The following PARVB variants were observed in gnomAD, a reference collection of about 807,000 sequenced individuals.
PARVB encodes the protein parvin beta.
In PARVB, 46 loss-of-function variants were observed where a neutral mutation model predicts 47.0. That is an observed-to-expected ratio of 0.98 (90% CI 0.77 to 1.25). The LOEUF (loss-of-function observed/expected upper bound fraction) is 1.25. Ranked by LOEUF, PARVB falls within the 50% of genes most tolerant of loss-of-function variation. The pLI is 0.00. For synonymous variants in PARVB, 196 were observed against 196.3 expected (o/e 1.00, Z 0.01); for missense variants, 473 against 471.6 (o/e 1.00, Z -0.03).
Position 44,119,065 on chromosome 22 carries a change from C to T in PARVB, c.301C>T (p.Leu101=). 3 of 1,613,972 alleles carry T rather than the reference C, an allele frequency of 1.9e-6. No homozygotes were observed. The highest frequency in any genetic ancestry group is 2.5e-6 in the Non-Finnish European group (3 of 1,179,862). The change falls in exon 4 of 13, where the codon CTG becomes TTG. Residue 101 remains leucine, a synonymous_variant. Coordinates refer to ENST00000338758, the MANE Select transcript of PARVB (RefSeq NM_013327.5). ...KVLLDWINDV[L]VEERIIVKQL... ...CCTCCTCGACTGGATTAATGACGTG[C>T]TGGTGGAGGAGAGGATCATTGTGAA...
At chr22:44,002,586 A>G (rs1331250382) in intron 2 of PARVB, among the ~76,000 whole-genome samples, 2 of 152,176 alleles carry the variant, frequency 1.3e-5, no homozygotes, top group African/African-American at 2.4e-5. Context: ...GAACCTGCCA[A>G]TCCCAGTGGG....
chr22:44,082,192 C>T (rs758871158), intron 1 of PARVB, among the ~76,000 whole-genome samples: 3 of 152,142 alleles, frequency 2.0e-5, no homozygotes, highest in Non-Finnish European at 2.9e-5. Flanking sequence ...GGTAGGTTCC[C>T]GTGCTCCGGA....
At chr22:44,029,996 T>C (rs949298448) in intron 1 of PARVB, among the ~76,000 whole-genome samples, 1 of 152,196 alleles carries the variant, frequency 6.6e-6, no homozygotes, top group East Asian at 1.9e-4. Flanking sequence ...TTGTGGACTT[T>C]AAATAACCTT....
chr22:44,148,209 T>C lies in PARVB; in HGVS notation c.774+287T>C, dbSNP rs1160836031. ...TCTGACTCGAGACCTTTTTTCAATG[T>C]GGAAATGTTTTTAAGCATGTCAGCC... On this transcript the variant is annotated intron_variant, in intron 9 of 12. Transcript: ENST00000338758. 4 of 460,612 alleles carry C rather than the reference T, an allele frequency of 8.7e-6. No individual in the cohort carries two copies. The Admixed American group carries it at 1.4e-4, about 16-fold the overall frequency. The allele number at this position is 460,612 out of a possible 1,614,324, so 28.5% of individuals were successfully genotyped here.
chr22:44,053,990 G>A (rs1041846961), intron 1 of PARVB, among the ~76,000 whole-genome samples: 7 of 152,138 alleles, frequency 4.6e-5, no homozygotes, highest in Non-Finnish European at 7.3e-5. Flanking sequence ...GGATATGCAC[G>A]ATTGACAGCC....
chr22:44,068,454 C>G lies in PARVB; in HGVS notation c.113-25474C>G, dbSNP rs941646705. The stretch of plus-strand genomic sequence containing the variant: ...GGTATCATGCGAGTCCTACTTCTCC[C>G]CTCATTCAAGGACCTTCCTTTGGGG... On this transcript the variant is annotated intron_variant, in intron 1 of 12. Transcript: ENST00000338758. This position sits in a 1 kb window ranked among gnomAD's most constrained non-coding sequence, Gnocchi z 4.1. Among the ~76,000 whole-genome samples, 18 of 152,188 alleles carry G rather than the reference C, an allele frequency of 1.2e-4. No individual in the cohort carries two copies. Among genetic ancestry groups the G allele is most frequent in the Non-Finnish European group, 2.2e-4 (15 of 68,028 alleles).
intron 1 of PARVB, among the ~76,000 whole-genome samples, chr22:44,032,269 C>G (rs2050839264): frequency 6.6e-6 from 1 of 152,196 alleles, no homozygotes; most frequent in Non-Finnish European, 1.5e-5. Context: ...TTGGCCTCGT[C>G]CAGTCTCTAG....
chr22:44,063,467 T>A (rs553408645), intron 1 of PARVB, among the ~76,000 whole-genome samples: 1 of 152,270 alleles, frequency 6.6e-6, no homozygotes, highest in African/African-American at 2.4e-5. Context: ...CCTCAGGTGA[T>A]CCACCTGTCT....
At chr22:44,080,938 G>A (rs565196607) in intron 1 of PARVB, among the ~76,000 whole-genome samples, 8 of 152,266 alleles carry the variant, frequency 5.3e-5, no homozygotes, top group African/African-American at 1.4e-4. Flanking sequence ...ATAGTGCCTC[G>A]AAAGGAGAGG....
At chr22:44,039,098 T>G (rs1032405806) in intron 1 of PARVB, among the ~76,000 whole-genome samples, 2 of 152,172 alleles carry the variant, frequency 1.3e-5, no homozygotes, top group Admixed American at 6.5e-5. Context: ...CTGGAAGATG[T>G]GGTGAGAATA....
intron 1 of PARVB, among the ~76,000 whole-genome samples, chr22:44,046,640 C>T (rs531810013): frequency 2.6e-4 from 40 of 152,356 alleles, no homozygotes; most frequent in African/African-American, 9.4e-4. Flanking sequence ...CATGTTATCT[C>T]CCCACACAGT....
At position 44,058,980 on chromosome 22, in the gene PARVB, T is replaced by TGG. The variant is rs11296449; in HGVS notation, c.112+34537_112+34538dup. Among the ~76,000 whole-genome samples, 3 of 146,904 alleles carry TGG rather than the reference T, an allele frequency of 2.0e-5. No homozygotes were observed. The East Asian group carries it at 6.0e-4, about 30-fold the overall frequency. On this transcript the variant is annotated intron_variant, in intron 1 of 12. Transcript: ENST00000338758. ...ATTACTTTCATAGATGAGGGTGTGA[T>TGG]GGGGGGGGGAAACAGAAGCAGAGTT...
intron 3 of PARVB, chr22:44,106,814 A>T (rs2052579108): frequency 6.6e-6 from 1 of 152,128 alleles, no homozygotes; most frequent in South Asian, 2.1e-4. Flanking sequence ...TTAAAAAAAA[A>T]AAAAATCCTT....
At chr22:44,008,674 T>G (rs892797066) in intron 2 of PARVB, among the ~76,000 whole-genome samples, 17 of 152,238 alleles carry the variant, frequency 1.1e-4, no homozygotes, top group African/African-American at 3.6e-4. Context: ...TGCCTGTCTT[T>G]CTTGCTTGCT....
At chr22:44,123,301 G>A (rs79336299) in intron 4 of PARVB, among the ~76,000 whole-genome samples, 3,902 of 152,306 alleles carry the variant, frequency 0.026, 160 homozygotes, top group African/African-American at 0.084. Flanking sequence ...CAGTTTTGGC[G>A]CAGTGGTGGG....
intron 1 of PARVB, among the ~76,000 whole-genome samples, chr22:44,072,145 T>G (rs2051669149): frequency 6.6e-6 from 1 of 152,248 alleles, no homozygotes; most frequent in Non-Finnish European, 1.5e-5. Context: ...GAGCTGCTTT[T>G]CCTTGGCAAG....
At chr22:44,092,872 T>TGTTCAAG (rs2052206056) in intron 1 of PARVB, among the ~76,000 whole-genome samples, 1 of 152,142 alleles carries the variant, frequency 6.6e-6, no homozygotes, top group South Asian at 2.1e-4. Flanking sequence ...GAGCTAGAGG[T>TGTTCAAG]GTTCAAGGTT....
chr22:44,066,698 G>T (rs529458576), intron 1 of PARVB, among the ~76,000 whole-genome samples: 4 of 152,166 alleles, frequency 2.6e-5, no homozygotes, highest in Admixed American at 2.6e-4. Context: ...AGATAGGGAT[G>T]ATCATAAGGG....
At chr22:44,007,721 C>T (rs1041114511) in intron 2 of PARVB, among the ~76,000 whole-genome samples, 1 of 152,162 alleles carries the variant, frequency 6.6e-6, no homozygotes, top group African/African-American at 2.4e-5. Context: ...TCTACAGTTC[C>T]GTGGCTTAAA....
Sources: allele counts gnomAD v4.1 joint callset (sites outside exome capture counted in the v4.1 genomes callset), GRCh38; gene constraint gnomAD v4.1.1; non-coding constraint Gnocchi (gnomAD v3.1); transcripts MANE v1.5; gene names NCBI Gene and HGNC (gene_info 2026-07-23, HGNC 2026-07-21).